Variants in MYOM2 observed in about 807,000 individuals in gnomAD.
The protein encoded by MYOM2 is myomesin 2, also known as myomesin-2.
In MYOM2, 254 loss-of-function variants were observed where a neutral mutation model predicts 187.6. The observed-to-expected ratio is 1.35, with a 90% CI of 1.22 to 1.50. The LOEUF (loss-of-function observed/expected upper bound fraction) is 1.50, where lower values mean the gene tolerates loss of function less well. Among genes scored for constraint, MYOM2 ranks in the 40% most tolerant of loss-of-function variants. MYOM2 has a pLI of 0.00. For synonymous variants in MYOM2, 981 were observed against 753.8 expected, an observed-to-expected ratio of 1.30 and a Z score of -4.94; for missense variants, 2,796 against 1,924.0, an observed-to-expected ratio of 1.45 and a Z score of -8.48.
chr8:2,132,024 T>C (rs1243575739), intron 32 of MYOM2, among the ~76,000 whole-genome samples: 1 of 152,194 alleles, frequency 6.6e-6, no homozygotes, highest in Non-Finnish European at 1.5e-5. Context: ...AACATGAAAC[T>C]ATATTAGGTA....
chr8:2,141,750 GC>G (rs1798280522), intron 34 of MYOM2, among the ~76,000 whole-genome samples: 1 of 152,144 alleles, frequency 6.6e-6, no homozygotes, highest in African/African-American at 2.4e-5. Flanking sequence ...GCTGACATTA[GC>G]CCTTAAGCTG....
rs116714697 is a variant in MYOM2 at position 2,095,227 on chromosome 8, C to T, written c.2126-1020C>T. Among the ~76,000 whole-genome samples the T allele has an allele frequency of 2.4e-3, 367 of 152,046 alleles. 1 individual carries two copies. The highest frequency in any genetic ancestry group is 8.5e-3 in the African/African-American group (354 of 41,466). ...AGATTAATCTCCTCTCAATTTTTTC[C>T]AGGAGGGACTTTCAAACATTCCCAT... On this transcript the variant is annotated intron_variant, in intron 17 of 36. Transcript: ENST00000262113.
In MYOM2 at chr8:2,116,254, A is replaced by G. The variant is rs1329465611; in HGVS notation, c.3364A>G (p.Lys1122Glu). 7 of 1,612,968 alleles carry G rather than the reference A, an allele frequency of 4.3e-6. No individual in the cohort carries two copies. Among genetic ancestry groups the G allele is most frequent in the Non-Finnish European group, 5.9e-6 (7 of 1,179,448 alleles). ...TVLEEAEFQR[K>E]EFLRKQGPHF... is the part of the protein sequence containing the mutation. ...GCTGGAAGAGGCTGAGTTTCAAAGGAAAGAATTTCTCAGGAAACAAGGTGA... is the reference window on the plus strand; with the variant it reads ...GCTGGAAGAGGCTGAGTTTCAAAGGGAAGAATTTCTCAGGAAACAAGGTGA... The change falls in exon 27 of 37, where the codon AAA becomes GAA. Residue 1122 changes from lysine to glutamate, a missense_variant. By Grantham distance (56) the Lys-to-Glu change is moderately conservative (BLOSUM62 1). Transcript: ENST00000262113.
chr8:2,085,560 CTGCG>C (rs1554546507), intron 14 of MYOM2, among the ~76,000 whole-genome samples, 170 bp downstream of exon 14: 1 of 28,316 alleles, frequency 3.5e-5, no homozygotes, highest in African/African-American at 6.3e-4. Flanking sequence ...GTCATGATCT[CTGCG>C]TGGCCCCACT....
rs757950319 is a variant in MYOM2 at position 2,123,158 on chromosome 8, G to C, written c.3454-94G>C. 1.8e-5 allele frequency: 12 copies of C among 672,132 alleles called. No individual in the cohort carries two copies. In the African/African-American group the frequency reaches 1.8e-4, roughly 10 times the overall value. 41.6% of individuals were successfully genotyped at this position (672,132 alleles called of 1,614,324 possible). ...TATAGTAAAAACTAAGGTTTTTTGA[G>C]GGGGGGGCTCTGTGATTTAAGATTC... On this transcript the variant is annotated intron_variant, in intron 28 of 36. Transcript: ENST00000262113.
intron 11 of MYOM2, chr8:2,076,500 T>C: frequency 3.3e-6 from 2 of 603,048 alleles, no homozygotes; most frequent in Non-Finnish European, 5.5e-6. Context: ...TTCTTTTTGT[T>C]GAAAGTGGAG....
chr8:2,086,434 C>T (rs983358508), intron 14 of MYOM2, among the ~76,000 whole-genome samples: 49 of 137,286 alleles, frequency 3.6e-4, no homozygotes, highest in Non-Finnish European at 4.6e-4. Context: ...GTGATCTCTG[C>T]GTGGCCCCCT....
chr8:2,063,475 G>A (rs149111114), intron 6 of MYOM2, among the ~76,000 whole-genome samples: 166 of 152,316 alleles, frequency 1.1e-3, no homozygotes, highest in Non-Finnish European at 1.8e-3. Flanking sequence ...GACTCATGAT[G>A]TGAGCCCTCA....
In MYOM2 at chr8:2,116,106, T is replaced by C; in HGVS notation, c.3325+2T>C. 6.3e-7 allele frequency: 1 copy of C among 1,585,204 alleles called. No individual in the cohort carries two copies. The highest frequency in any genetic ancestry group is 1.1e-5 in the South Asian group (1 of 89,214). On this transcript the variant is annotated splice_donor_variant, in intron 26 of 36. Transcript: ENST00000262113. LOFTEE classifies it high-confidence loss of function. ...CTTCTCTAGTTCTTATTGGAGATGGTATGCTATATCGAATATTTCCACGTC... is the reference window on the plus strand; with the variant it reads ...CTTCTCTAGTTCTTATTGGAGATGGCATGCTATATCGAATATTTCCACGTC...
intron 17 of MYOM2, among the ~76,000 whole-genome samples, chr8:2,094,792 G>C (rs1010575030): frequency 2.0e-5 from 3 of 152,156 alleles, no homozygotes; most frequent in African/African-American, 7.2e-5. Context: ...ATGTAACTTT[G>C]AGACTTTGTT....
At chr8:2,115,410 A>T (rs952973354) in intron 25 of MYOM2, among the ~76,000 whole-genome samples, 3 of 152,216 alleles carry the variant, frequency 2.0e-5, no homozygotes, top group African/African-American at 7.2e-5. Context: ...GAATAAAATG[A>T]AACATTTAAA....
intron 32 of MYOM2, among the ~76,000 whole-genome samples, chr8:2,137,390 C>G (rs373755961): frequency 1.3e-5 from 2 of 151,818 alleles, no homozygotes. Context: ...TCTTCGCAAG[C>G]GGGGAGCTCA....
Position 2,090,169 on chromosome 8 carries a change from C to T in MYOM2, c.1806C>T (p.Pro602=), listed in dbSNP as rs375288771. ...GLSEPSEITS[P]IQAQDVTVVP... is the part of the protein sequence containing the mutation. ...GCGAACCTTCGGAGATAACGTCCCC[C>T]ATTCAGGCCCAGGATGTGACCGGTG... The change falls in exon 15 of 37, where the codon CCC becomes CCT. Residue 602 remains proline, a synonymous_variant. Coordinates refer to ENST00000262113, the MANE Select transcript of MYOM2 (RefSeq NM_003970.4). The T allele has an allele frequency of 1.2e-6, 2 of 1,613,880 alleles. No homozygotes were observed. The highest frequency in any genetic ancestry group is 2.2e-5 in the East Asian group (1 of 44,864).
At chr8:2,083,905 G>A (rs1819720539) in intron 13 of MYOM2, among the ~76,000 whole-genome samples, 1 of 152,130 alleles carries the variant, frequency 6.6e-6, no homozygotes, top group East Asian at 1.9e-4. Flanking sequence ...ACTTTCTCGG[G>A]GCCTTTTGCT....
chr8:2,108,920 T>C (rs1796979924), intron 24 of MYOM2, 90 bp downstream of exon 24: 4 of 1,313,106 alleles, frequency 3.0e-6, no homozygotes, highest in South Asian at 1.2e-5. Flanking sequence ...AAGAACAGCT[T>C]TGGGGAAAGG....
At chr8:2,093,486 C>G (rs116872407) in intron 16 of MYOM2, among the ~76,000 whole-genome samples, 2,494 of 152,256 alleles carry the variant, frequency 0.016, 33 homozygotes, top group South Asian at 0.032. Flanking sequence ...TCATCCCCAT[C>G]TTACAAATAG....
In MYOM2 at chr8:2,086,223, T is replaced by G. The variant is rs1277385317; in HGVS notation, c.1644+833T>G. On this transcript the variant is annotated intron_variant, in intron 14 of 36. Transcript: ENST00000262113. ...GCGTGGCCCCACTGTCATGATCTCT[T>G]TGTGGCCCCCCACTGTTGTGATCTT... Among the ~76,000 whole-genome samples the G allele has an allele frequency of 5.1e-3, 17 of 3,318 alleles. 1 individual carries two copies. Among genetic ancestry groups the G allele is most frequent in the African/African-American group, 9.8e-3 (6 of 612 alleles). 2.2% of individuals were successfully genotyped at this position (3,318 alleles called of 152,430 possible).
chr8:2,129,298 A>T, intron 32 of MYOM2, 66 bp downstream of exon 32: 1 of 1,061,848 alleles, frequency 9.4e-7, no homozygotes, highest in Admixed American at 1.8e-5. Flanking sequence ...CACAGCTGGG[A>T]CCAGGCGCTC....
At chr8:2,137,316 G>A (rs895137758) in intron 32 of MYOM2, among the ~76,000 whole-genome samples, 1 of 151,882 alleles carries the variant, frequency 6.6e-6, no homozygotes, top group Non-Finnish European at 1.5e-5. Flanking sequence ...ACTGACCAGC[G>A]ACAGCACGAA....
Sources: allele counts gnomAD v4.1 joint callset (sites outside exome capture counted in the v4.1 genomes callset), GRCh38; gene constraint gnomAD v4.1.1; transcripts MANE v1.5; gene names NCBI Gene and HGNC (gene_info 2026-07-23, HGNC 2026-07-21).